ALCAM: variants seen among roughly 807,000 people sequenced by gnomAD.
ALCAM encodes the protein activated leukocyte cell adhesion molecule.
ALCAM carries 30 observed loss-of-function variants against 70.9 expected under a neutral mutation model. The ratio of observed to expected loss-of-function variants is 0.42; its 90% CI spans 0.32 to 0.57. ALCAM has a LOEUF of 0.57. Ranked by LOEUF, ALCAM falls within the 20% of genes least tolerant of loss-of-function variation. ALCAM has a pLI of 0.11. For synonymous variants in ALCAM, 249 were observed against 242.5 expected, an observed-to-expected ratio of 1.03 and a Z score of -0.25; for missense variants, 591 against 695.1, an observed-to-expected ratio of 0.85 and a Z score of 1.68.
At chr3:105,385,334 A>G (rs189205132) in intron 1 of ALCAM, among the ~76,000 whole-genome samples, 1 of 151,688 alleles carries the variant, frequency 6.6e-6, no homozygotes, top group African/African-American at 2.4e-5. Flanking sequence ...CTGGAGGACA[A>G]GTGAAGCTTA....
chr3:105,375,256 G>T (rs1366366572), intron 1 of ALCAM, among the ~76,000 whole-genome samples: 2 of 152,084 alleles, frequency 1.3e-5, no homozygotes, highest in African/African-American at 4.8e-5. Flanking sequence ...TCATGAGCTG[G>T]TACAATTATT....
intron 1 of ALCAM, among the ~76,000 whole-genome samples, chr3:105,469,158 C>A (rs1937842236): frequency 9.6e-6 from 1 of 104,046 alleles, no homozygotes; most frequent in Non-Finnish European, 1.9e-5. Context: ...ATTCCCCCAA[C>A]AAGTATTGCG....
Position 105,375,639 on chromosome 3 carries a change from G to A in ALCAM, c.73+8158G>A, listed in dbSNP as rs141559012. Among the ~76,000 whole-genome samples the A allele has an allele frequency of 6.2e-3, 948 of 152,210 alleles. 15 individuals carry two copies. The highest frequency in any genetic ancestry group is 6.7e-3 in the Non-Finnish European group (458 of 68,006). Reference sequence around the variant, plus strand: ...TCACCTGGGAGCTACACTTAGCTACGGGGTTATTTAGGGAAGAACTATTTC... The same window carrying A: ...TCACCTGGGAGCTACACTTAGCTACAGGGTTATTTAGGGAAGAACTATTTC... On this transcript the variant is annotated intron_variant, in intron 1 of 15. Transcript: ENST00000306107.
rs1939264055 is a variant in ALCAM, at chr3:105,512,406, A to G, written c.74-7661A>G. On this transcript the variant is annotated intron_variant, in intron 1 of 15. Transcript: ENST00000306107. ...CTCTTCTTCTTGCTAAAATAGGTGA[A>G]TTGTATTCATAATTTCAATACAACT... Among the ~76,000 whole-genome samples, 3 of 151,956 alleles carry G rather than the reference A, an allele frequency of 2.0e-5. No individual in the cohort carries two copies. In the South Asian group the frequency reaches 6.2e-4, roughly 32 times the overall value.
chr3:105,428,345 AT>A (rs1936843986), intron 1 of ALCAM, among the ~76,000 whole-genome samples: 1 of 151,938 alleles, frequency 6.6e-6, no homozygotes, highest in African/African-American at 2.4e-5. Flanking sequence ...TTCAACTTTA[AT>A]TTTCACCCTT....
chr3:105,468,674 C>T (rs192384511), intron 1 of ALCAM, among the ~76,000 whole-genome samples: 48 of 151,222 alleles, frequency 3.2e-4, no homozygotes, highest in African/African-American at 9.2e-4. Context: ...ACCAAGGCTG[C>T]GCAGGTCCAT....
intron 14 of ALCAM, among the ~76,000 whole-genome samples, chr3:105,556,519 A>G (rs1262245306): frequency 2.0e-5 from 3 of 152,040 alleles, no homozygotes; most frequent in East Asian, 1.9e-4. Flanking sequence ...GTTCTGCCTT[A>G]TACGATGCTT....
intron 1 of ALCAM, among the ~76,000 whole-genome samples, chr3:105,488,733 GGGAGGGGAGGAA>G (rs1368145816): frequency 1.3e-5 from 2 of 151,276 alleles, no homozygotes. Flanking sequence ...GGGAGAAGGA[GGGAGGGGAGGAA>G]GGAGGGAAGG....
chr3:105,440,963 G>A (rs1490738456), intron 1 of ALCAM: 1 of 152,096 alleles, frequency 6.6e-6, no homozygotes, highest in Non-Finnish European at 1.5e-5. Context: ...TGAAGCTAGA[G>A]CAGAGAAAAA....
intron 3 of ALCAM, chr3:105,524,886 C>G: frequency 2.0e-6 from 2 of 990,124 alleles, no homozygotes; most frequent in Non-Finnish European, 2.4e-6. Context: ...ATCACGCATA[C>G]ATATACATGT....
intron 12 of ALCAM, among the ~76,000 whole-genome samples, chr3:105,551,811 G>T (rs143626156): frequency 1.3e-5 from 2 of 151,348 alleles, no homozygotes; most frequent in Non-Finnish European, 3.0e-5. Context: ...CCTAGGTGCC[G>T]ACTTGCTTCC....
At chr3:105,373,583 T>C (rs1935298649) in intron 1 of ALCAM, among the ~76,000 whole-genome samples, 1 of 152,222 alleles carries the variant, frequency 6.6e-6, no homozygotes, top group Non-Finnish European at 1.5e-5. Context: ...CATTGGAATG[T>C]TGATAATGAC....
At chr3:105,527,530 TTCTACTTGATTAG>T (rs1006525473) in intron 3 of ALCAM, among the ~76,000 whole-genome samples, 3 of 152,054 alleles carry the variant, frequency 2.0e-5, no homozygotes, top group Admixed American at 2.0e-4. Flanking sequence ...AAGGAGCTAT[TTCTACTTGATTAG>T]TGAGGCTTCA....
At chr3:105,461,757 A>G (rs1312766391) in intron 1 of ALCAM, among the ~76,000 whole-genome samples, 1 of 151,746 alleles carries the variant, frequency 6.6e-6, no homozygotes, top group African/African-American at 2.4e-5. Context: ...TCCATGTTCT[A>G]CCACCTCCTA....
intron 8 of ALCAM, chr3:105,545,005 A>T: frequency 2.2e-6 from 1 of 463,202 alleles, no homozygotes; most frequent in South Asian, 2.0e-5. Context: ...TGGATAATCA[A>T]TTAGATTGAC....
chr3:105,439,815 C>T (rs1032331467), intron 1 of ALCAM, among the ~76,000 whole-genome samples: 4 of 152,082 alleles, frequency 2.6e-5, no homozygotes, highest in African/African-American at 9.7e-5. Flanking sequence ...AAGGTCAGGG[C>T]AAAAAGTATA....
At chr3:105,526,374 G>GA (rs962188574) in intron 3 of ALCAM, among the ~76,000 whole-genome samples, 3 of 150,936 alleles carry the variant, frequency 2.0e-5, no homozygotes, top group Non-Finnish European at 4.4e-5. Flanking sequence ...TCAGAAATCT[G>GA]AAAAAAATTC....
At chr3:105,541,849 C>T (rs771041612) in intron 8 of ALCAM, 84 bp downstream of exon 8, 62 of 1,478,750 alleles carry the variant, frequency 4.2e-5, no homozygotes, top group South Asian at 9.8e-5. Context: ...ATAAACTGCA[C>T]GTATATCTTT....
intron 1 of ALCAM, among the ~76,000 whole-genome samples, chr3:105,435,853 C>T (rs1312232202): frequency 3.9e-5 from 6 of 151,932 alleles, no homozygotes; most frequent in African/African-American, 1.2e-4. Flanking sequence ...TGCAGTGGCG[C>T]GATCTCGGCT....
Sources: allele counts gnomAD v4.1 joint callset (sites outside exome capture counted in the v4.1 genomes callset), GRCh38; gene constraint gnomAD v4.1.1; transcripts MANE v1.5; gene names NCBI Gene and HGNC (gene_info 2026-07-23, HGNC 2026-07-21).